UNC13C: variants seen among roughly 807,000 people sequenced by gnomAD.
UNC13C encodes protein unc-13 homolog C.
A neutral mutation model predicts 245.4 loss-of-function variants in UNC13C; 174 were observed. That is an observed-to-expected ratio of 0.71 (90% confidence interval 0.63 to 0.80). The LOEUF is 0.80. Among genes scored for constraint, UNC13C ranks in the 30% least tolerant of loss-of-function variants. UNC13C has a pLI of 0.00. For synonymous variants in UNC13C, 992 were observed against 895.1 expected (o/e 1.11, Z -1.93); for missense variants, 2,829 against 2,602.9 (o/e 1.09, Z -1.89).
At chr15:54,597,178 G>A (rs890520702) in intron 30 of UNC13C, among the ~76,000 whole-genome samples, 1 of 152,166 alleles carries the variant, frequency 6.6e-6, no homozygotes, top group Admixed American at 6.5e-5. Flanking sequence ...GTGACAGGAG[G>A]TGGAGCTCAG....
At chr15:53,934,440 A>G in the UNC13C span, among the ~76,000 whole-genome samples, 1 of 152,224 alleles carries the variant, frequency 6.6e-6, no homozygotes, top group Admixed American at 6.5e-5. Context: ...TTAAGCAAAT[A>G]GTATGATTAC....
At chr15:54,298,019 T>G in intron 12 of UNC13C, 93 bp downstream of exon 12, 2 of 903,700 alleles carry the variant, frequency 2.2e-6, no homozygotes, top group East Asian at 2.7e-5. Flanking sequence ...ATCATTGAAT[T>G]TGTAGAGTGG....
At chr15:54,530,040 C>T (rs547673512) in intron 25 of UNC13C, among the ~76,000 whole-genome samples, 3 of 152,188 alleles carry the variant, frequency 2.0e-5, no homozygotes, top group East Asian at 1.9e-4. Context: ...AAAAGCAATA[C>T]GAAATATTGC....
intron 2 of UNC13C, among the ~76,000 whole-genome samples, chr15:54,115,579 A>C (rs2030184471): frequency 6.6e-6 from 1 of 152,140 alleles, no homozygotes; most frequent in Non-Finnish European, 1.5e-5. Flanking sequence ...GTAAAGATCA[A>C]ATCAGGGTAA....
At chr15:54,405,911 A>G (rs2040281789) in intron 18 of UNC13C, among the ~76,000 whole-genome samples, 1 of 152,288 alleles carries the variant, frequency 6.6e-6, no homozygotes, top group East Asian at 1.9e-4. Context: ...AAAATTATAT[A>G]CATATGTAGG....
At chr15:53,990,867 G>A (rs1894356119) in intron 1 of UNC13C, among the ~76,000 whole-genome samples, 1 of 151,974 alleles carries the variant, frequency 6.6e-6, no homozygotes, top group Admixed American at 6.6e-5. Context: ...GCAACCATAT[G>A]TTAAAAACCA....
At chr15:54,483,101 A>G (rs111917356) in intron 19 of UNC13C, among the ~76,000 whole-genome samples, 105 of 152,324 alleles carry the variant, frequency 6.9e-4, no homozygotes, top group African/African-American at 2.2e-3. Flanking sequence ...ACTCCGTCAT[A>G]ATTTGTAATC....
intron 6 of UNC13C, 88 bp from the exon 7 acceptor site, chr15:54,237,531 C>T: frequency 1.0e-6 from 1 of 953,814 alleles, no homozygotes; most frequent in East Asian, 2.6e-5. Flanking sequence ...AGTGATAGCC[C>T]ATATTCTTGC....
chr15:53,979,721 A>G (rs547366925), intron 1 of UNC13C, among the ~76,000 whole-genome samples: 1 of 152,358 alleles, frequency 6.6e-6, no homozygotes, highest in African/African-American at 2.4e-5. Context: ...TTAAGGAAAA[A>G]CAGGAAAGAG....
chr15:54,177,131 T>A (rs1168573102), intron 4 of UNC13C, among the ~76,000 whole-genome samples: 1 of 152,066 alleles, frequency 6.6e-6, no homozygotes, highest in African/African-American at 2.4e-5. Flanking sequence ...AGCAGCAGTA[T>A]CAAACAGCAG....
At chr15:53,878,891 A>T in the UNC13C span, among the ~76,000 whole-genome samples, 1 of 152,178 alleles carries the variant, frequency 6.6e-6, no homozygotes, top group South Asian at 2.1e-4. Flanking sequence ...AAGCCATTTG[A>T]TATCTGAAAT....
At chr15:54,302,635 G>A (rs1368971015) in intron 13 of UNC13C, among the ~76,000 whole-genome samples, 1 of 152,130 alleles carries the variant, frequency 6.6e-6, no homozygotes, top group African/African-American at 2.4e-5. Context: ...CCTCTGTTCT[G>A]TTCCATTGGT....
chr15:54,079,800 T>C (rs1388244793), intron 2 of UNC13C, among the ~76,000 whole-genome samples: 1 of 152,062 alleles, frequency 6.6e-6, no homozygotes, highest in Admixed American at 6.5e-5. Flanking sequence ...ATGCTTTTTC[T>C]TTCTTTCTCT....
At chr15:54,511,899 A>G in intron 24 of UNC13C, 69 bp downstream of exon 24, 1 of 1,143,868 alleles carries the variant, frequency 8.7e-7, no homozygotes, top group South Asian at 1.4e-5. Flanking sequence ...ATCTCTTGCT[A>G]TGAAAGTGTC....
intron 2 of UNC13C, among the ~76,000 whole-genome samples, chr15:54,017,742 G>A (rs545901349): frequency 6.6e-6 from 1 of 152,222 alleles, no homozygotes; most frequent in African/African-American, 2.4e-5. Context: ...CCAGTGAGTG[G>A]CACTTAACCT....
chr15:54,595,118 A>C (rs533380908), intron 30 of UNC13C, among the ~76,000 whole-genome samples: 2 of 152,290 alleles, frequency 1.3e-5, no homozygotes, highest in South Asian at 2.1e-4. Flanking sequence ...TAAACTACTT[A>C]AGATCTTTAA....
At position 54,015,391 on chromosome 15, in the gene UNC13C, A is replaced by G. The variant is rs1895602862; in HGVS notation, c.2488A>G (p.Met830Val). 6.2e-7 allele frequency: 1 copy of G among 1,613,682 alleles called. No homozygotes were observed. The highest frequency in any genetic ancestry group is 8.5e-7 in the Non-Finnish European group (1 of 1,179,832). The change falls in exon 2 of 33, where the codon ATG (methionine) becomes GTG (valine). Residue 830 changes from methionine (M) to valine (V), a missense_variant. Physicochemically the swap from Met to Val is conservative, Grantham distance 21. Coordinates refer to ENST00000260323, the MANE Select transcript of UNC13C (RefSeq NM_001080534.3). ...SGYEDSGSSL[M>V]GRFRTLSQST... is the part of the protein sequence containing the mutation. ...GTATGAGGACAGTGGCTCTTCATTAATGGGGAGATTTCGGACATTATCTCA... is the reference window on the plus strand; with the variant it reads ...GTATGAGGACAGTGGCTCTTCATTAGTGGGGAGATTTCGGACATTATCTCA...
intron 10 of UNC13C, among the ~76,000 whole-genome samples, chr15:54,277,108 T>C (rs1174700261): frequency 2.0e-5 from 3 of 152,168 alleles, no homozygotes; most frequent in African/African-American, 2.4e-5. Context: ...GCCTTTCTTT[T>C]CTGTGCACGA....
intron 19 of UNC13C, among the ~76,000 whole-genome samples, chr15:54,478,186 T>G (rs577448857): frequency 6.6e-6 from 1 of 151,220 alleles, no homozygotes; most frequent in African/African-American, 2.4e-5. Flanking sequence ...TGCATCTATT[T>G]GATTCTTCTC....
Sources: gnomAD v4.1 joint callset for allele counts (sites outside exome capture counted in the v4.1 genomes callset) on GRCh38, gnomAD v4.1.1 for gene constraint, MANE v1.5 for transcripts, NCBI Gene and HGNC (gene_info 2026-07-23, HGNC 2026-07-21) for gene names.